Variants in ROBO2 observed in about 807,000 individuals in gnomAD.
ROBO2 encodes roundabout guidance receptor 2.
In ROBO2, 53 loss-of-function variants were observed where a neutral mutation model predicts 160.8. That is an observed-to-expected ratio of 0.33 (90% CI 0.26 to 0.41). The LOEUF (loss-of-function observed/expected upper bound fraction) is 0.41. Ranked by LOEUF, ROBO2 falls within the 10% of genes least tolerant of loss-of-function variation. The pLI is 1.00. For synonymous variants in ROBO2, 664 were observed against 611.7 expected (o/e 1.09, Z -1.26); for missense variants, 1,577 against 1,722.4 (o/e 0.92, Z 1.49).
chr3:77,000,072 A>T (rs890507104), intron 2 of ROBO2, among the ~76,000 whole-genome samples: 2 of 152,086 alleles, frequency 1.3e-5, no homozygotes, highest in African/African-American at 4.8e-5. Flanking sequence ...CTTCAACCTG[A>T]GTCGAGATGA....
intron 7 of ROBO2, 59 bp from the exon 9 acceptor site, chr3:77,550,759 T>C (rs2092889020): frequency 4.5e-6 from 7 of 1,555,488 alleles, no homozygotes; most frequent in Non-Finnish European, 6.2e-6. Context: ...GTAGCTTTTA[T>C]TCACATAATT....
At chr3:76,238,408 T>C (rs951124935) in intron 2 of ROBO2, among the ~76,000 whole-genome samples, 6 of 152,136 alleles carry the variant, frequency 3.9e-5, no homozygotes, top group Non-Finnish European at 7.4e-5. Flanking sequence ...GACACCTTAC[T>C]AACTCTCCTG....
At chr3:76,461,338 T>G (rs1420079878) in intron 2 of ROBO2, among the ~76,000 whole-genome samples, 2 of 152,162 alleles carry the variant, frequency 1.3e-5, no homozygotes, top group African/African-American at 4.8e-5. Flanking sequence ...CCCACCAGGC[T>G]CTGCCTCCAG....
At chr3:76,433,332 A>G (rs1258023952) in intron 2 of ROBO2, among the ~76,000 whole-genome samples, 2 of 152,320 alleles carry the variant, frequency 1.3e-5, no homozygotes, top group East Asian at 3.9e-4. Flanking sequence ...TGAATTTCAG[A>G]TCAACCATAA....
At chr3:76,273,398 T>C (rs1250407892) in intron 2 of ROBO2, among the ~76,000 whole-genome samples, 1 of 151,936 alleles carries the variant, frequency 6.6e-6, no homozygotes, top group Non-Finnish European at 1.5e-5. Flanking sequence ...TGTAACAGAA[T>C]AACACGGAGT....
chr3:77,084,681 G>T (rs1289688178), intron 1 of ROBO2, among the ~76,000 whole-genome samples: 1 of 152,018 alleles, frequency 6.6e-6, no homozygotes, highest in Non-Finnish European at 1.5e-5. Flanking sequence ...CTCTGATAAG[G>T]CTTCAAAGTA....
chr3:77,170,794 T>C (rs774544753), intron 2 of ROBO2, among the ~76,000 whole-genome samples: 4 of 152,148 alleles, frequency 2.6e-5, no homozygotes, highest in Non-Finnish European at 5.9e-5. Context: ...AAAAATAAAA[T>C]AATCGACCCA....
intron 2 of ROBO2, among the ~76,000 whole-genome samples, chr3:76,264,779 C>G (rs995598949): frequency 2.0e-5 from 3 of 151,932 alleles, no homozygotes; most frequent in African/African-American, 7.3e-5. Context: ...TAGTAGTAGC[C>G]CATACTACTC....
chr3:76,591,813 G>T (rs1259099808), intron 2 of ROBO2, among the ~76,000 whole-genome samples: 1 of 151,942 alleles, frequency 6.6e-6, no homozygotes, highest in Non-Finnish European at 1.5e-5. Flanking sequence ...TATTTTTACT[G>T]TTTTAATGAT....
At chr3:77,382,446 C>A (rs1033953127) in intron 2 of ROBO2, among the ~76,000 whole-genome samples, 2 of 149,530 alleles carry the variant, frequency 1.3e-5, no homozygotes, top group Admixed American at 1.3e-4. Flanking sequence ...TTTTGGGGTA[C>A]AAGTTGTTTT....
intron 2 of ROBO2, among the ~76,000 whole-genome samples, chr3:76,950,778 G>A (rs1434421428): frequency 1.3e-5 from 2 of 152,150 alleles, no homozygotes; most frequent in African/African-American, 4.8e-5. Flanking sequence ...CCAGGCTGGA[G>A]TGCAGTTGTG....
intron 2 of ROBO2, among the ~76,000 whole-genome samples, chr3:76,201,889 CAAAAAAAAA>C (rs3039047): frequency 2.8e-5 from 3 of 105,582 alleles, no homozygotes; most frequent in Non-Finnish European, 5.7e-5. Flanking sequence ...CGAGAAATGT[CAAAAAAAAA>C]AAAAAAAAAA....
chr3:76,087,667 A>G (rs973662764), intron 2 of ROBO2, among the ~76,000 whole-genome samples: 2 of 152,100 alleles, frequency 1.3e-5, no homozygotes, highest in African/African-American at 4.8e-5. Flanking sequence ...TATTCAAAAT[A>G]ATAGCAATAA....
chr3:76,076,832 A>T (rs999560966), intron 2 of ROBO2, among the ~76,000 whole-genome samples: 5 of 152,198 alleles, frequency 3.3e-5, no homozygotes, highest in Non-Finnish European at 7.3e-5. Context: ...AATTAAAGAG[A>T]TGCCATACAT....
chr3:76,647,313 A>G (rs2091020112), intron 2 of ROBO2, among the ~76,000 whole-genome samples: 1 of 152,140 alleles, frequency 6.6e-6, no homozygotes, highest in African/African-American at 2.4e-5. Flanking sequence ...GTTCCCAAGA[A>G]TTGTACAGAC....
chr3:76,055,775 T>A (rs1381481550), intron 2 of ROBO2, among the ~76,000 whole-genome samples: 3 of 152,330 alleles, frequency 2.0e-5, no homozygotes, highest in South Asian at 2.1e-4. Context: ...TTATTTATTT[T>A]TTGAGACGGA....
At chr3:76,267,529 A>G (rs1326973877) in intron 2 of ROBO2, among the ~76,000 whole-genome samples, 2 of 152,162 alleles carry the variant, frequency 1.3e-5, no homozygotes, top group Non-Finnish European at 2.9e-5. Context: ...TTGCAATTTA[A>G]TTATGCTATC....
chr3:77,295,956 G>A (rs2062044915), intron 2 of ROBO2, among the ~76,000 whole-genome samples: 2 of 112,792 alleles, frequency 1.8e-5, no homozygotes, highest in East Asian at 2.6e-4. Flanking sequence ...AAACGGGTAA[G>A]CTGAGGCTAG....
chr3:77,506,101 C>T (rs564477133), intron 5 of ROBO2, among the ~76,000 whole-genome samples: 2 of 152,078 alleles, frequency 1.3e-5, no homozygotes, highest in Non-Finnish European at 2.9e-5. Flanking sequence ...ATTCAAACCT[C>T]AGGTCTCTCT....
Sources: allele counts gnomAD v4.1 joint callset (sites outside exome capture counted in the v4.1 genomes callset), GRCh38; gene constraint gnomAD v4.1.1; transcripts MANE v1.5; gene names NCBI Gene and HGNC (gene_info 2026-07-23, HGNC 2026-07-21).